CFAP20DC: variants seen among roughly 807,000 people sequenced by gnomAD.
CFAP20DC encodes the protein CFAP20 domain containing, also known as protein CFAP20DC.
CFAP20DC carries 84 observed loss-of-function variants against 101.7 expected under a neutral mutation model. That is an observed-to-expected ratio of 0.83 (90% confidence interval 0.69 to 0.99). CFAP20DC has a LOEUF of 0.99. Among genes scored for constraint, CFAP20DC ranks in the 50% least tolerant of loss-of-function variants. The pLI, the probability that CFAP20DC is intolerant of heterozygous loss-of-function variation, is 0.00. For missense variants in CFAP20DC, 1,007 were observed against 970.3 expected, an observed-to-expected ratio of 1.04 and a Z score of -0.50; for synonymous variants, 359 against 351.2, an observed-to-expected ratio of 1.02 and a Z score of -0.25.
At chr3:58,747,124 T>A (rs2068259870) in intron 16 of CFAP20DC, among the ~76,000 whole-genome samples, 1 of 152,322 alleles carries the variant, frequency 6.6e-6, no homozygotes, top group African/African-American at 2.4e-5. Context: ...GCTACTAGAC[T>A]AAGAGCATCT....
intron 15 of CFAP20DC, among the ~76,000 whole-genome samples, chr3:58,785,105 C>T (rs982965735): frequency 6.6e-6 from 1 of 151,946 alleles, no homozygotes; most frequent in Non-Finnish European, 1.5e-5. Flanking sequence ...TCTTTTATGG[C>T]TGAATACTAT....
chr3:58,841,343 T>G (rs999649942), intron 13 of CFAP20DC, among the ~76,000 whole-genome samples: 1 of 152,196 alleles, frequency 6.6e-6, no homozygotes, highest in African/African-American at 2.4e-5. Flanking sequence ...GAGAGAGAGA[T>G]GGCTTGAACA....
chr3:58,888,464 T>C (rs79954403), intron 6 of CFAP20DC, among the ~76,000 whole-genome samples: 270 of 152,272 alleles, frequency 1.8e-3, no homozygotes, highest in African/African-American at 6.3e-3. Context: ...GTTTATTACA[T>C]AGGTAAGTAT....
At chr3:58,839,232 T>C (rs2076940950) in intron 13 of CFAP20DC, among the ~76,000 whole-genome samples, 1 of 152,244 alleles carries the variant, frequency 6.6e-6, no homozygotes, top group African/African-American at 2.4e-5. Flanking sequence ...CAGTGGCCTC[T>C]AATTGGGGGT....
chr3:59,043,097 G>T (rs1195705156), intron 3 of CFAP20DC, among the ~76,000 whole-genome samples: 1 of 152,136 alleles, frequency 6.6e-6, no homozygotes, highest in Non-Finnish European at 1.5e-5. Flanking sequence ...TATTCAAGAA[G>T]TCTAGAGTTA....
At chr3:58,844,222 T>C (rs1307493506) in intron 13 of CFAP20DC, among the ~76,000 whole-genome samples, 2 of 143,118 alleles carry the variant, frequency 1.4e-5, no homozygotes, top group Non-Finnish European at 3.0e-5. Flanking sequence ...GACTGGCAAA[T>C]TGGATAAAGA....
At chr3:58,941,452 C>A (rs1316572677) in intron 4 of CFAP20DC, among the ~76,000 whole-genome samples, 1 of 150,968 alleles carries the variant, frequency 6.6e-6, no homozygotes, top group African/African-American at 2.4e-5. Flanking sequence ...GCTTAATTCA[C>A]TCTTGAGTTC....
intron 4 of CFAP20DC, among the ~76,000 whole-genome samples, chr3:59,000,686 G>T (rs1486050823): frequency 6.6e-6 from 1 of 152,080 alleles, no homozygotes; most frequent in Non-Finnish European, 1.5e-5. Context: ...CAGAAATGGA[G>T]GCAGAGAGTG....
chr3:58,890,207 C>T (rs866294664), intron 6 of CFAP20DC, among the ~76,000 whole-genome samples: 26 of 146,532 alleles, frequency 1.8e-4, no homozygotes, highest in South Asian at 1.3e-3. Flanking sequence ...CCCTCCCGGA[C>T]GGGGCGGCTG....
Position 58,863,912 on chromosome 3 carries a change from A to AC in CFAP20DC, c.1259-21dup. The AC allele has an allele frequency of 6.3e-7, 1 of 1,586,256 alleles. No homozygotes were observed. Among genetic ancestry groups the AC allele is most frequent in the Non-Finnish European group, 8.6e-7 (1 of 1,168,076 alleles). On this transcript the variant is annotated intron_variant, in intron 11 of 16. Transcript: ENST00000482387. The surrounding 1 kb of genome is among the most constrained non-coding windows in gnomAD (Gnocchi z 5.9). The stretch of plus-strand genomic sequence containing the variant: ...ACTCATCTGACAGTTGGAAAAGATG[A>AC]CAAAAATTAGAGCAGTAATCCATAA...
chr3:58,993,235 C>CT (rs1164643882), intron 4 of CFAP20DC, among the ~76,000 whole-genome samples: 4 of 151,896 alleles, frequency 2.6e-5, no homozygotes, highest in East Asian at 1.9e-4. Flanking sequence ...GTACATATTT[C>CT]TTTTTTTTGT....
chr3:59,019,400 T>C (rs2093757127), intron 4 of CFAP20DC, among the ~76,000 whole-genome samples: 1 of 151,706 alleles, frequency 6.6e-6, no homozygotes, highest in African/African-American at 2.4e-5. Context: ...ATCCCAAACA[T>C]CCTCCCAAGT....
intron 5 of CFAP20DC, among the ~76,000 whole-genome samples, chr3:58,929,910 C>A (rs2086404887): frequency 6.6e-6 from 1 of 152,164 alleles, no homozygotes; most frequent in Non-Finnish European, 1.5e-5. Flanking sequence ...CTTGTTGGAA[C>A]CTCCTTGGTT....
chr3:58,856,603 C>T (rs566273922), intron 12 of CFAP20DC, among the ~76,000 whole-genome samples: 2 of 152,228 alleles, frequency 1.3e-5, no homozygotes, highest in East Asian at 3.9e-4. Flanking sequence ...GCAGAAAACT[C>T]GAAAGACTGT....
intron 3 of CFAP20DC, among the ~76,000 whole-genome samples, chr3:59,041,426 C>CA (rs916135624): frequency 5.3e-5 from 8 of 150,424 alleles, no homozygotes; most frequent in Admixed American, 1.3e-4. Context: ...GATGATCTGA[C>CA]AAAAAAAAAG....
intron 3 of CFAP20DC, among the ~76,000 whole-genome samples, chr3:59,045,849 A>G (rs762218605): frequency 6.6e-6 from 1 of 152,138 alleles, no homozygotes; most frequent in Non-Finnish European, 1.5e-5. Flanking sequence ...ATGAGGAACC[A>G]ACCTCAGTTT....
At chr3:58,908,598 C>G (rs541713831) in intron 6 of CFAP20DC, among the ~76,000 whole-genome samples, 3 of 152,270 alleles carry the variant, frequency 2.0e-5, no homozygotes, top group African/African-American at 7.2e-5. Context: ...TTGCAAGTTT[C>G]TTACAAAACT....
chr3:58,884,519 T>G lies in CFAP20DC; in HGVS notation c.715+26A>C, dbSNP rs199789426. Reference sequence around the variant, plus strand: ...GGGAGAGATGCAGACATATTACACTTATAATTTAGGTGCCTGAGTGTCTAC... The same window carrying G: ...GGGAGAGATGCAGACATATTACACTGATAATTTAGGTGCCTGAGTGTCTAC... On this transcript the variant is annotated intron_variant, in intron 7 of 16. Transcript: ENST00000482387. The G allele has an allele frequency of 9.9e-6, 16 of 1,608,522 alleles. No individual in the cohort carries two copies. In the Admixed American group the frequency reaches 2.3e-4, roughly 23 times the overall value.
rs577090405 is a variant in CFAP20DC, at chr3:58,923,054, G to T, written c.394-9190C>A. On this transcript the variant is annotated intron_variant, in intron 5 of 16. Coordinates refer to ENST00000482387, the MANE Select transcript of CFAP20DC (RefSeq NM_001394063.1). ...CCCAAGTAGCTGGGACTACAGGTGTGTGCCACCACACCTGGCTAATTTTTA... is the reference window on the plus strand; with the variant it reads ...CCCAAGTAGCTGGGACTACAGGTGTTTGCCACCACACCTGGCTAATTTTTA... 2.0e-5 allele frequency among the ~76,000 whole-genome samples: 3 copies of T among 152,076 alleles called. No individual in the cohort carries two copies. The South Asian group carries it at 6.2e-4, about 32-fold the overall frequency.
Sources: allele counts gnomAD v4.1 joint callset (sites outside exome capture counted in the v4.1 genomes callset), GRCh38; gene constraint gnomAD v4.1.1; non-coding constraint Gnocchi (gnomAD v3.1); transcripts MANE v1.5; gene names NCBI Gene and HGNC (gene_info 2026-07-23, HGNC 2026-07-21).